The following PDE10A variants were observed in gnomAD, a reference collection of about 807,000 sequenced individuals.
PDE10A encodes the protein phosphodiesterase 10A.
A neutral mutation model predicts 97.7 loss-of-function variants in PDE10A; 39 were observed. The ratio of observed to expected loss-of-function variants is 0.40; its 90% CI spans 0.31 to 0.52. The LOEUF is 0.52. Among genes scored for constraint, PDE10A ranks in the 20% least tolerant of loss-of-function variants. PDE10A has a pLI of 0.56. For missense variants in PDE10A, 731 were observed against 1,047.8 expected, an observed-to-expected ratio of 0.70 and a Z score of 4.17; for synonymous variants, 371 against 376.8, an observed-to-expected ratio of 0.98 and a Z score of 0.18.
chr6:165,943,581 G>C (rs1480643258), intron 1 of PDE10A, among the ~76,000 whole-genome samples: 1 of 152,178 alleles, frequency 6.6e-6, no homozygotes, highest in Non-Finnish European at 1.5e-5. Flanking sequence ...TGGAGAACCT[G>C]GTGTTCCAGG....
intron 1 of PDE10A, among the ~76,000 whole-genome samples, chr6:165,978,238 C>T (rs528312424): frequency 6.6e-6 from 1 of 152,132 alleles, no homozygotes; most frequent in South Asian, 2.1e-4. Context: ...ATCATCACAC[C>T]TCAATGAAAA....
chr6:165,956,585 T>C (rs766047913), intron 1 of PDE10A, among the ~76,000 whole-genome samples: 1 of 152,254 alleles, frequency 6.6e-6, no homozygotes, highest in Non-Finnish European at 1.5e-5. Context: ...TGAGAAAAGT[T>C]ATTCTTCAAG....
chr6:165,953,362 G>A (rs867642301), intron 1 of PDE10A, among the ~76,000 whole-genome samples: 3 of 152,110 alleles, frequency 2.0e-5, no homozygotes, highest in East Asian at 1.9e-4. Context: ...AGGCCGAGGC[G>A]GGCGAATCAC....
intron 13 of PDE10A, among the ~76,000 whole-genome samples, chr6:165,413,037 G>A (rs220750): frequency 7.9e-5 from 12 of 151,840 alleles, no homozygotes; most frequent in Non-Finnish European, 1.3e-4. Flanking sequence ...AGTTAACACC[G>A]AGAATGCATG....
chr6:165,733,132 C>T (rs1583009711), intron 1 of PDE10A, among the ~76,000 whole-genome samples: 1 of 152,246 alleles, frequency 6.6e-6, no homozygotes, highest in Non-Finnish European at 1.5e-5. Context: ...TGAATCCCAA[C>T]AGCTTTCTGG....
At position 165,596,855 on chromosome 6, in the gene PDE10A, C is replaced by T. The variant is rs74863236; in HGVS notation, c.866-53287G>A. On this transcript the variant is annotated intron_variant, in intron 1 of 21. Transcript: ENST00000539869. ...ATCCTAGGAGAACGTTGCTCTCCTC[C>T]TCTACTGACATGGCCGCCTTGCAGT... is the stretch of plus-strand genomic sequence containing the variant. Among the ~76,000 whole-genome samples the T allele has an allele frequency of 2.6e-5, 4 of 152,168 alleles. No individual in the cohort carries two copies. In the East Asian group the frequency reaches 5.8e-4, roughly 22 times the overall value.
At chr6:165,462,974 C>A (rs2089872) in intron 3 of PDE10A, among the ~76,000 whole-genome samples, 32,456 of 152,156 alleles carry the variant, frequency 0.21, 4,152 homozygotes, top group Middle Eastern at 0.32. Flanking sequence ...TTTTTGTAAA[C>A]AGGATTGGAC....
intron 3 of PDE10A, among the ~76,000 whole-genome samples, chr6:165,468,370 G>T (rs568149176): frequency 2.0e-5 from 3 of 152,010 alleles, no homozygotes; most frequent in Non-Finnish European, 2.9e-5. Context: ...TTACAGGCGT[G>T]AGCCACTGCA....
chr6:165,706,617 G>T (rs1791716593), intron 1 of PDE10A, among the ~76,000 whole-genome samples: 1 of 152,184 alleles, frequency 6.6e-6, no homozygotes, highest in Non-Finnish European at 1.5e-5. Context: ...AATCTTCACA[G>T]TCTGTGACTA....
chr6:165,935,170 G>A (rs2128491504), intron 1 of PDE10A, among the ~76,000 whole-genome samples: 1 of 152,220 alleles, frequency 6.6e-6, no homozygotes, highest in Non-Finnish European at 1.5e-5. Context: ...AGGCACAACA[G>A]ACTCTATCAG....
At chr6:165,436,572 T>C (rs1426004262) in intron 5 of PDE10A, among the ~76,000 whole-genome samples, 6 of 152,172 alleles carry the variant, frequency 3.9e-5, no homozygotes, top group African/African-American at 1.4e-4. Flanking sequence ...TTTCCAAGTA[T>C]ATCCACATAG....
At chr6:165,935,890 C>T (rs1023663057) in intron 1 of PDE10A, among the ~76,000 whole-genome samples, 7 of 152,186 alleles carry the variant, frequency 4.6e-5, no homozygotes, top group Non-Finnish European at 8.8e-5. Context: ...TACAGCCCCT[C>T]GCTCTTGGAC....
chr6:165,738,840 G>A (rs186994239), intron 1 of PDE10A, among the ~76,000 whole-genome samples: 22 of 152,106 alleles, frequency 1.4e-4, no homozygotes, highest in East Asian at 1.4e-3. Flanking sequence ...CATGTCCTTC[G>A]CCCACTACAC....
chr6:165,507,257 C>T (rs190205280), intron 2 of PDE10A, among the ~76,000 whole-genome samples: 2 of 152,178 alleles, frequency 1.3e-5, no homozygotes, highest in Admixed American at 6.6e-5. Flanking sequence ...GTCCTACTCA[C>T]TTTGTTCCTG....
At chr6:165,457,070 C>A (rs770052603) in intron 3 of PDE10A, among the ~76,000 whole-genome samples, 2 of 152,104 alleles carry the variant, frequency 1.3e-5, no homozygotes, top group Non-Finnish European at 2.9e-5. Context: ...AGACAAATTA[C>A]GTGAATGTCA....
At chr6:165,664,147 G>A (rs1034500721), upstream of PDE10A, among the ~76,000 whole-genome samples, 2 of 152,096 alleles carry the variant, frequency 1.3e-5, no homozygotes, top group South Asian at 2.1e-4. Context: ...CAGCTTTCAC[G>A]AAGGGCAAAA....
intron 2 of PDE10A, among the ~76,000 whole-genome samples, chr6:165,500,806 C>T (rs76422589): frequency 0.015 from 2,238 of 152,088 alleles, 48 homozygotes; most frequent in African/African-American, 0.051. Flanking sequence ...CGGTGTAAAA[C>T]CCGATTGTAT....
chr6:165,963,057 T>A (rs1484097938), intron 1 of PDE10A, among the ~76,000 whole-genome samples: 1 of 152,238 alleles, frequency 6.6e-6, no homozygotes, highest in Non-Finnish European at 1.5e-5. Context: ...AAATTTGTCA[T>A]ATGTTAACAC....
intron 2 of PDE10A, among the ~76,000 whole-genome samples, chr6:165,538,120 A>G (rs1405978342): frequency 6.6e-6 from 1 of 152,094 alleles, no homozygotes; most frequent in Non-Finnish European, 1.5e-5. Context: ...TAGTAGGTTT[A>G]GGGGGCATAA....
Sources: gnomAD v4.1 joint callset for allele counts (sites outside exome capture counted in the v4.1 genomes callset) on GRCh38, gnomAD v4.1.1 for gene constraint, MANE v1.5 for transcripts, NCBI Gene and HGNC (gene_info 2026-07-23, HGNC 2026-07-21) for gene names.